Variants in NOL4L observed in about 807,000 individuals in gnomAD.
NOL4L encodes the protein nucleolar protein 4-like.
A neutral mutation model predicts 64.5 loss-of-function variants in NOL4L; 7 were observed. The observed-to-expected ratio is 0.11, with a 90% CI of 0.06 to 0.20. The LOEUF (loss-of-function observed/expected upper bound fraction) is 0.20, where lower values mean the gene tolerates loss of function less well. Among genes scored for constraint, NOL4L ranks in the 10% least tolerant of loss-of-function variants. NOL4L has a pLI of 1.00. For missense variants in NOL4L, 680 were observed against 967.1 expected (o/e 0.70, Z 3.94); for synonymous variants, 413 against 401.0 (o/e 1.03, Z -0.36).
rs1228850194 is a variant in NOL4L at position 32,506,732 on chromosome 20, G to T, written c.699+4615C>A. 1.3e-5 allele frequency among the ~76,000 whole-genome samples: 2 copies of T among 152,164 alleles called. 1 individual carries two copies. Among genetic ancestry groups the T allele is most frequent in the Admixed American group, 1.3e-4 (2 of 15,268 alleles). On this transcript the variant is annotated intron_variant, in intron 4 of 10. Coordinates refer to ENST00000621426, the MANE Select transcript of NOL4L (RefSeq NM_001256798.2). ...TAGCCCCTTCTGTTTTCTGTCCCAG[G>T]TGACAGCTCTGTGGCTGCTGTTTTG...
intron 6 of NOL4L, among the ~76,000 whole-genome samples, chr20:32,454,943 G>A (rs1214039394): frequency 6.6e-6 from 1 of 152,210 alleles, no homozygotes; most frequent in Non-Finnish European, 1.5e-5. Flanking sequence ...CTGGGACCAG[G>A]CCCGCAGGGG....
intron 1 of NOL4L, among the ~76,000 whole-genome samples, chr20:32,561,570 G>A (rs955993859): frequency 6.6e-6 from 1 of 152,104 alleles, no homozygotes; most frequent in Non-Finnish European, 1.5e-5. Context: ...CTCTCATGCC[G>A]GTGGCCCTGA....
At chr20:32,547,109 C>G (rs2018742972) in intron 1 of NOL4L, among the ~76,000 whole-genome samples, 1 of 152,208 alleles carries the variant, frequency 6.6e-6, no homozygotes, top group Non-Finnish European at 1.5e-5. Context: ...GTGTGCCTCA[C>G]CCTGCTCTAA....
intron 4 of NOL4L, 27 bp from the exon 5 acceptor site, chr20:32,474,769 T>A: frequency 6.3e-7 from 1 of 1,581,124 alleles, no homozygotes; most frequent in African/African-American, 1.3e-5. Flanking sequence ...AAGGTGGGCA[T>A]TCAGCAGGGA....
At chr20:32,523,601 CA>C (rs1258532126) in intron 2 of NOL4L, among the ~76,000 whole-genome samples, 1 of 152,146 alleles carries the variant, frequency 6.6e-6, no homozygotes, top group Non-Finnish European at 1.5e-5. Context: ...ATTTAAGCTG[CA>C]GACCCTGTTC....
intron 1 of NOL4L, among the ~76,000 whole-genome samples, chr20:32,555,451 C>G (rs1328916460): frequency 2.0e-5 from 3 of 151,976 alleles, no homozygotes; most frequent in Non-Finnish European, 4.4e-5. Context: ...AGGCATGTAA[C>G]ACCATGCCTG....
chr20:32,450,535 G>A (rs2012783565), intron 10 of NOL4L: 1 of 152,338 alleles, frequency 6.6e-6, no homozygotes, highest in South Asian at 2.1e-4. Context: ...CTGCCTCCCT[G>A]GAAGAATCAT....
chr20:32,489,230 T>C lies in NOL4L; in HGVS notation c.700-14488A>G, dbSNP rs148953890. Among the ~76,000 whole-genome samples, 125 of 152,094 alleles carry C rather than the reference T, an allele frequency of 8.2e-4. 1 individual carries two copies. The Middle Eastern group carries it at 0.024, about 29-fold the overall frequency. On this transcript the variant is annotated intron_variant, in intron 4 of 10. Coordinates refer to ENST00000621426, the MANE Select transcript of NOL4L (RefSeq NM_001256798.2). The stretch of plus-strand genomic sequence containing the variant: ...TCACCTATATTTTCTTCTGGAAACT[T>C]TATGTCTTCATTACATTTAAATCTT...
chr20:32,480,792 T>G (rs2145493674), intron 4 of NOL4L, among the ~76,000 whole-genome samples: 1 of 152,216 alleles, frequency 6.6e-6, no homozygotes, highest in South Asian at 2.1e-4. Flanking sequence ...GCCGCACACA[T>G]GAAACAGGAG....
intron 5 of NOL4L, among the ~76,000 whole-genome samples, chr20:32,471,092 T>C (rs2014978683): frequency 6.6e-6 from 1 of 152,146 alleles, no homozygotes. Context: ...GTGGCAGGGT[T>C]GGGGGCAGAA....
chr20:32,583,160 C>A (rs916434486), intron 1 of NOL4L, among the ~76,000 whole-genome samples: 2 of 151,402 alleles, frequency 1.3e-5, no homozygotes, highest in Non-Finnish European at 3.0e-5. Context: ...CGGTTATCAG[C>A]GCTCCTCGCA....
At chr20:32,554,428 G>A (rs192039116) in intron 1 of NOL4L, among the ~76,000 whole-genome samples, 2 of 152,134 alleles carry the variant, frequency 1.3e-5, no homozygotes, top group East Asian at 3.9e-4. Flanking sequence ...AACAGAAAGT[G>A]GCTCATGGGC....
chr20:32,488,791 CTTTCTTTCTTTCTT>C lies in NOL4L; in HGVS notation c.700-14063_700-14050del, dbSNP rs1275537752. Among the ~76,000 whole-genome samples the C allele has an allele frequency of 3.0e-4, 16 of 53,498 alleles. 2 individuals are homozygous for C. The highest frequency in any genetic ancestry group is 6.1e-4 in the Admixed American group (3 of 4,892). The allele number at this position is 53,498 out of a possible 152,430, so 35.1% of individuals were successfully genotyped here. On this transcript the variant is annotated intron_variant, in intron 4 of 10. Coordinates refer to ENST00000621426, the MANE Select transcript of NOL4L (RefSeq NM_001256798.2). ...CCTTCCTTCCTTCCTTCCTTCCTTC[CTTTCTTTCTTTCTT>C]TTTCTTTCTTTCTTTCTTTCTTTTT...
At chr20:32,518,906 C>G (rs1426695848) in intron 3 of NOL4L, among the ~76,000 whole-genome samples, 2 of 152,254 alleles carry the variant, frequency 1.3e-5, no homozygotes, top group East Asian at 3.8e-4. Context: ...TTCAGGATCA[C>G]TGGCTCAGGC....
intron 1 of NOL4L, among the ~76,000 whole-genome samples, chr20:32,556,535 G>A (rs983664590): frequency 6.6e-6 from 1 of 152,074 alleles, no homozygotes; most frequent in African/African-American, 2.4e-5. Context: ...ATCCCCGGGG[G>A]CCCAGAGACT....
At chr20:32,493,317 C>T (rs2016541660) in intron 4 of NOL4L, among the ~76,000 whole-genome samples, 1 of 152,136 alleles carries the variant, frequency 6.6e-6, no homozygotes, top group Non-Finnish European at 1.5e-5. Context: ...CCTGCAGTCC[C>T]TTCATGACAG....
Position 32,581,006 on chromosome 20 carries a change from C to G in NOL4L, c.321+3564G>C, listed in dbSNP as rs931963362. Among the ~76,000 whole-genome samples the G allele has an allele frequency of 7.9e-5, 12 of 152,242 alleles. 1 individual carries two copies. The highest frequency in any genetic ancestry group is 5.2e-4 in the Admixed American group (8 of 15,284). Reference sequence around the variant, plus strand: ...CTTGTCTCCAAGGGGTTTGCTTCCCCCGCTTGGCAGCCCACAGGCCTGGAG... The same window carrying G: ...CTTGTCTCCAAGGGGTTTGCTTCCCGCGCTTGGCAGCCCACAGGCCTGGAG... On this transcript the variant is annotated intron_variant, in intron 1 of 10. Coordinates refer to ENST00000621426, the MANE Select transcript of NOL4L (RefSeq NM_001256798.2).
chr20:32,498,489 A>T (rs557784412), intron 4 of NOL4L, among the ~76,000 whole-genome samples: 37 of 152,018 alleles, frequency 2.4e-4, no homozygotes, highest in Middle Eastern at 3.4e-3. Flanking sequence ...TTCACAGGGC[A>T]TGGTGGCTCA....
intron 5 of NOL4L, among the ~76,000 whole-genome samples, chr20:32,466,254 C>A (rs2014540064): frequency 6.6e-6 from 1 of 152,194 alleles, no homozygotes. Context: ...GGGCATGAGC[C>A]ACCACGCCTG....
Sources: allele counts gnomAD v4.1 joint callset (sites outside exome capture counted in the v4.1 genomes callset), GRCh38; gene constraint gnomAD v4.1.1; transcripts MANE v1.5; gene names NCBI Gene and HGNC (gene_info 2026-07-23, HGNC 2026-07-21).